Variants in PHF24 observed in about 807,000 individuals in gnomAD.
PHF24 encodes the protein PHD finger protein 24.
In PHF24, 25 loss-of-function variants were observed where a neutral mutation model predicts 42.6. That is an observed-to-expected ratio of 0.59 (90% CI 0.43 to 0.82). The LOEUF (loss-of-function observed/expected upper bound fraction) is 0.82, where lower values mean the gene tolerates loss of function less well. PHF24 is among the 40% of genes least tolerant of loss of function. The probability of loss-of-function intolerance (pLI) is 0.00; values close to 1 mark genes in which losing one functional copy is unlikely to be tolerated. For synonymous variants in PHF24, 185 were observed against 204.8 expected, an observed-to-expected ratio of 0.90 and a Z score of 0.83; for missense variants, 470 against 538.1, an observed-to-expected ratio of 0.87 and a Z score of 1.25.
intron 1 of PHF24, among the ~76,000 whole-genome samples, chr9:34,967,118 A>T (rs573266628): frequency 6.6e-6 from 1 of 152,090 alleles, no homozygotes; most frequent in Non-Finnish European, 1.5e-5. Context: ...CTTTAGTCAG[A>T]GGTATATTAG....
the PHF24 span, among the ~76,000 whole-genome samples, chr9:34,720,127 G>C: frequency 6.6e-6 from 1 of 152,154 alleles, no homozygotes; most frequent in Admixed American, 6.5e-5. Context: ...GTAGGAACCA[G>C]GGGCATCCCA....
At chr9:34,729,141 G>C in the PHF24 span, 6 of 1,026,038 alleles carry the variant, frequency 5.8e-6, no homozygotes, top group South Asian at 7.8e-5. Context: ...AGGAATTATA[G>C]TCTCTGAGAA....
At chr9:34,823,658 C>T in the PHF24 span, among the ~76,000 whole-genome samples, 1,797 of 152,124 alleles carry the variant, frequency 0.012, 38 homozygotes, top group African/African-American at 0.041. Flanking sequence ...AGGGGGGAAG[C>T]TTTGCTGGAG....
At chr9:34,971,383 C>T (rs751258396) in exon 2 of PHF24, 25 of 1,613,954 alleles carry the variant, frequency 1.5e-5, no homozygotes, top group Middle Eastern at 1.6e-4. Context: ...GGATGGGCTG[C>T]GGGACAGGCC....
At chr9:34,931,099 C>T in the PHF24 span, among the ~76,000 whole-genome samples, 24,452 of 151,974 alleles carry the variant, frequency 0.16, 2,106 homozygotes, top group South Asian at 0.25. Context: ...ATAATGAGGC[C>T]GAGCGCGGTG....
the PHF24 span, among the ~76,000 whole-genome samples, chr9:34,693,090 C>T: frequency 5.9e-5 from 9 of 152,172 alleles, no homozygotes; most frequent in African/African-American, 9.7e-5. Context: ...CGTGAGCCAC[C>T]GTGCCTGGCC....
the PHF24 span, among the ~76,000 whole-genome samples, chr9:34,802,379 C>T: frequency 6.7e-6 from 1 of 148,970 alleles, no homozygotes; most frequent in East Asian, 2.1e-4. Flanking sequence ...CAGGTCATTC[C>T]AATCACCAAC....
the PHF24 span, among the ~76,000 whole-genome samples, chr9:34,690,887 C>T: frequency 4.6e-5 from 7 of 152,158 alleles, no homozygotes; most frequent in Admixed American, 6.5e-5. Context: ...AAGACACACC[C>T]GCATTGGGAT....
the PHF24 span, among the ~76,000 whole-genome samples, chr9:34,865,599 AT>A: frequency 1.2e-4 from 19 of 152,024 alleles, no homozygotes; most frequent in Non-Finnish European, 2.4e-4. Context: ...AATAAAAAAA[AT>A]AAATGAAAGC....
At chr9:34,920,517 A>AT in the PHF24 span, among the ~76,000 whole-genome samples, 1 of 151,778 alleles carries the variant, frequency 6.6e-6, no homozygotes, top group African/African-American at 2.4e-5. Context: ...ATTTAAGATT[A>AT]TTTTTTCTAT....
intron 3 of PHF24, among the ~76,000 whole-genome samples, chr9:34,973,209 A>G (rs944686369): frequency 6.6e-5 from 10 of 152,136 alleles, no homozygotes; most frequent in Admixed American, 5.2e-4. Flanking sequence ...CTAATAGTCT[A>G]TAGTTGTCAT....
At chr9:34,690,341 G>T in the PHF24 span, 16 of 1,613,566 alleles carry the variant, frequency 9.9e-6, no homozygotes, top group Admixed American at 2.7e-4. Flanking sequence ...TCAGAGTTGG[G>T]GCTGGGATGG....
chr9:34,863,857 A>G, the PHF24 span, among the ~76,000 whole-genome samples: 1 of 152,270 alleles, frequency 6.6e-6, no homozygotes, highest in African/African-American at 2.4e-5. Flanking sequence ...CAGGCAGAGA[A>G]TTCAAAATAG....
rs116339974 is a variant in PHF24 at position 34,967,228 on chromosome 9, T to C, written c.-4-4067T>C. On this transcript the variant is annotated intron_variant, in intron 1 of 7. Transcript: ENST00000242315. ...ACCACATCAGTTAAGGGCAGCACTTTCCTTATATCCTTGTCTTTTAGAGGT... is the reference window on the plus strand; with the variant it reads ...ACCACATCAGTTAAGGGCAGCACTTCCCTTATATCCTTGTCTTTTAGAGGT... Among the ~76,000 whole-genome samples, 1,481 of 152,330 alleles carry C rather than the reference T, an allele frequency of 9.7e-3. 27 individuals carry two copies. Among genetic ancestry groups the C allele is most frequent in the African/African-American group, 0.034 (1,408 of 41,558 alleles).
the PHF24 span, among the ~76,000 whole-genome samples, chr9:34,787,741 C>A: frequency 6.6e-6 from 1 of 152,100 alleles, no homozygotes; most frequent in African/African-American, 2.4e-5. Context: ...GGTTGAGAAG[C>A]ATTTGCCTTA....
chr9:34,851,717 C>A, the PHF24 span, among the ~76,000 whole-genome samples: 4 of 152,140 alleles, frequency 2.6e-5, no homozygotes, highest in Non-Finnish European at 5.9e-5. Context: ...AGCTGTAGAC[C>A]GGAGCTGTTC....
the PHF24 span, among the ~76,000 whole-genome samples, chr9:34,693,769 G>C: frequency 6.6e-6 from 1 of 152,144 alleles, no homozygotes; most frequent in Non-Finnish European, 1.5e-5. Context: ...ATTACGCCTG[G>C]CCTGCTATGT....
the PHF24 span, chr9:34,895,133 C>T: frequency 2.5e-6 from 1 of 398,442 alleles, no homozygotes; most frequent in East Asian, 3.6e-5. Flanking sequence ...CATTTTTTCC[C>T]ATATCTAAAA....
the PHF24 span, among the ~76,000 whole-genome samples, chr9:34,857,166 C>G: frequency 6.6e-6 from 1 of 152,232 alleles, no homozygotes; most frequent in Non-Finnish European, 1.5e-5. Flanking sequence ...TGGTCCATCT[C>G]AGGCTATCTC....
Sources: gnomAD v4.1 joint callset for allele counts (sites outside exome capture counted in the v4.1 genomes callset) on GRCh38, gnomAD v4.1.1 for gene constraint, MANE v1.5 for transcripts, NCBI Gene and HGNC (gene_info 2026-07-23, HGNC 2026-07-21) for gene names.